The following SLC28A1 variants were observed in gnomAD, a reference collection of about 807,000 sequenced individuals.
SLC28A1 encodes the protein sodium/nucleoside cotransporter 1.
In SLC28A1, 64 loss-of-function variants were observed where a neutral mutation model predicts 74.8. That is an observed-to-expected ratio of 0.86 (90% CI 0.70 to 1.05). The LOEUF is 1.05. SLC28A1 is among the 50% of genes least tolerant of loss of function. The pLI, the probability that SLC28A1 is intolerant of heterozygous loss-of-function variation, is 0.00. For missense variants in SLC28A1, 828 were observed against 822.8 expected (o/e 1.01, Z -0.08); for synonymous variants, 359 against 335.0 (o/e 1.07, Z -0.78).
At chr15:84,967,682 G>A in the SLC28A1 span, among the ~76,000 whole-genome samples, 1 of 152,206 alleles carries the variant, frequency 6.6e-6, no homozygotes, top group Admixed American at 6.5e-5. Flanking sequence ...TGCTGCTACA[G>A]GGACCTCTCT....
intron 9 of SLC28A1, among the ~76,000 whole-genome samples, chr15:84,914,991 G>A (rs147599318): frequency 1.3e-5 from 2 of 152,174 alleles, no homozygotes. Context: ...CTGCAGTGGG[G>A]TCCTGATGCC....
chr15:84,930,365 G>A (rs1971118981), intron 12 of SLC28A1, among the ~76,000 whole-genome samples: 2 of 152,240 alleles, frequency 1.3e-5, no homozygotes, highest in Non-Finnish European at 2.9e-5. Context: ...CCAGCAAGGG[G>A]CAGGGGCCCA....
At chr15:84,908,316 T>G (rs1032842310) in intron 8 of SLC28A1, among the ~76,000 whole-genome samples, 7 of 151,194 alleles carry the variant, frequency 4.6e-5, no homozygotes, top group African/African-American at 1.5e-4. Flanking sequence ...CCCAAGTAGC[T>G]GGGATTACAG....
At chr15:84,904,316 G>T in intron 7 of SLC28A1, 78 bp downstream of exon 7, 1 of 1,600,258 alleles carries the variant, frequency 6.2e-7, no homozygotes, top group Non-Finnish European at 8.5e-7. Flanking sequence ...TGGGAGCTGG[G>T]GTATAGGCAG....
intron 11 of SLC28A1, among the ~76,000 whole-genome samples, chr15:84,923,293 T>C (rs981928716): frequency 6.6e-6 from 1 of 152,130 alleles, no homozygotes; most frequent in Admixed American, 6.6e-5. Context: ...TCTTCATAGC[T>C]TTCATCACCA....
chr15:84,971,013 G>A, the SLC28A1 span, among the ~76,000 whole-genome samples: 6 of 152,164 alleles, frequency 3.9e-5, no homozygotes, highest in Non-Finnish European at 8.8e-5. Context: ...GTGCTCTCCT[G>A]GCCGGCTGCA....
chr15:84,935,241 G>C (rs1343110861), intron 14 of SLC28A1, 47 bp downstream of exon 14: 3 of 1,612,838 alleles, frequency 1.9e-6, no homozygotes, highest in Admixed American at 1.7e-5. Context: ...GATGGCCCCA[G>C]GTGGGTGGTG....
chr15:84,928,682 G>T (rs1970926839), intron 12 of SLC28A1, among the ~76,000 whole-genome samples: 2 of 147,236 alleles, frequency 1.4e-5, no homozygotes. Flanking sequence ...GGAGTGCAGT[G>T]GCTCAATCTC....
At chr15:84,956,455 C>CTT in the SLC28A1 span, among the ~76,000 whole-genome samples, 1 of 78,010 alleles carries the variant, frequency 1.3e-5, no homozygotes, top group African/African-American at 4.8e-5. Flanking sequence ...TTCTTTCTTT[C>CTT]TTTCTTTCTT....
At position 84,933,220 on chromosome 15, in the gene SLC28A1, C is replaced by T. The variant is rs1567178351; in HGVS notation, c.1159C>T (p.Pro387Ser). The change falls in exon 13 of 19, where the codon CCG becomes TCG. Residue 387 changes from proline to serine, a missense_variant. Transcript: ENST00000394573. Reference sequence around the variant, plus strand: ...CTTGGCCCTCTCCAAGCTGGTCTACCCGGAGGTGGAGGAGTCCAAGTTTAG... The same window carrying T: ...CTTGGCCCTCTCCAAGCTGGTCTACTCGGAGGTGGAGGAGTCCAAGTTTAG... ...CALALSKLVY[P>S]EVEESKFRRE... 6.2e-7 allele frequency: 1 copy of T among 1,613,824 alleles called. No individual in the cohort carries two copies. Among genetic ancestry groups the T allele is most frequent in the East Asian group, 2.2e-5 (1 of 44,852 alleles).
At chr15:84,892,991 A>G in intron 5 of SLC28A1, among the ~76,000 whole-genome samples, 1 of 151,904 alleles carries the variant, frequency 6.6e-6, no homozygotes, top group East Asian at 1.9e-4. Flanking sequence ...TTCCAAAAGC[A>G]CTTCTGTCCT....
chr15:84,941,340 G>A (rs1972668499), intron 15 of SLC28A1, among the ~76,000 whole-genome samples: 2 of 151,652 alleles, frequency 1.3e-5, no homozygotes, highest in Non-Finnish European at 3.0e-5. Context: ...CAAGTAGCTG[G>A]GACTACAGGC....
intron 7 of SLC28A1, among the ~76,000 whole-genome samples, chr15:84,904,800 TTC>T (rs1966874041): frequency 4.2e-5 from 3 of 71,482 alleles, no homozygotes; most frequent in Non-Finnish European, 9.2e-5. Flanking sequence ...GTGTACTAAA[TTC>T]TGATGTGTAC....
At chr15:84,885,714 A>G (rs1287043780) in intron 1 of SLC28A1, among the ~76,000 whole-genome samples, 1 of 147,366 alleles carries the variant, frequency 6.8e-6, no homozygotes, top group East Asian at 2.0e-4. Context: ...CTGGGCAACA[A>G]GAGTGAAACT....
chr15:84,958,548 T>TTTTG, the SLC28A1 span, among the ~76,000 whole-genome samples: 28 of 152,122 alleles, frequency 1.8e-4, no homozygotes, highest in East Asian at 3.9e-3. Flanking sequence ...TCTTACAGTT[T>TTTTG]TTTGTTTGTT....
At chr15:84,958,697 G>A in the SLC28A1 span, among the ~76,000 whole-genome samples, 1 of 152,024 alleles carries the variant, frequency 6.6e-6, no homozygotes, top group Admixed American at 6.6e-5. Context: ...GGGACTACAG[G>A]AAGGCACCAC....
chr15:84,888,813 G>A lies in SLC28A1; in HGVS notation c.138G>A (p.Glu46=), dbSNP rs1291681797. 3 of 1,555,054 alleles carry A rather than the reference G, an allele frequency of 1.9e-6. No individual in the cohort carries two copies. The highest frequency in any genetic ancestry group is 1.4e-5 in the African/African-American group (1 of 73,224). Reference sequence around the variant, plus strand: ...CTAGGAGTGACTTGAGCCCCGCAGAGATCAGGAGCAGCTGGAGCGAGGCGG... The same window carrying A: ...CTAGGAGTGACTTGAGCCCCGCAGAAATCAGGAGCAGCTGGAGCGAGGCGG... The part of the protein sequence containing the change: ...QLPRSDLSPA[E]IRSSWSEAAP... Residue 46 remains glutamate (E), a synonymous_variant, in exon 4 of 19, where the codon GAG becomes GAA. Coordinates refer to ENST00000394573, the MANE Select transcript of SLC28A1 (RefSeq NM_004213.5).
At chr15:84,914,061 G>C (rs1765662576) in intron 9 of SLC28A1, among the ~76,000 whole-genome samples, 1 of 152,170 alleles carries the variant, frequency 6.6e-6, no homozygotes, top group African/African-American at 2.4e-5. Flanking sequence ...TGATCCTCCT[G>C]CCTCAGCCTC....
chr15:84,912,806 G>GCGCGCGCGCGCA (rs764101004), intron 9 of SLC28A1, among the ~76,000 whole-genome samples: 5 of 112,202 alleles, frequency 4.5e-5, no homozygotes, highest in African/African-American at 1.7e-4. Flanking sequence ...TTGCGCGCGC[G>GCGCGCGCGCGCA]CACACACACA....
Sources: allele counts gnomAD v4.1 joint callset (sites outside exome capture counted in the v4.1 genomes callset), GRCh38; gene constraint gnomAD v4.1.1; transcripts MANE v1.5; gene names NCBI Gene and HGNC (gene_info 2026-07-23, HGNC 2026-07-21).